CORIN: variants seen among roughly 807,000 people sequenced by gnomAD.
CORIN encodes the protein corin, serine peptidase, also known as atrial natriuretic peptide-converting enzyme.
A neutral mutation model predicts 125.3 loss-of-function variants in CORIN; 117 were observed. That is an observed-to-expected ratio of 0.93 (90% CI 0.80 to 1.09). The LOEUF (loss-of-function observed/expected upper bound fraction) is 1.09, where lower values mean the gene tolerates loss of function less well. Among genes scored for constraint, CORIN ranks in the 50% least tolerant of loss-of-function variants. The probability of loss-of-function intolerance (pLI) is 0.00; values close to 1 mark genes in which losing one functional copy is unlikely to be tolerated. For missense variants in CORIN, 1,253 were observed against 1,306.7 expected, an observed-to-expected ratio of 0.96 and a Z score of 0.63; for synonymous variants, 450 against 466.4, an observed-to-expected ratio of 0.96 and a Z score of 0.45.
intron 1 of CORIN, among the ~76,000 whole-genome samples, chr4:47,821,781 A>G (rs977859290): frequency 2.0e-5 from 3 of 152,220 alleles, no homozygotes; most frequent in Non-Finnish European, 4.4e-5. Flanking sequence ...GTTTTAAACT[A>G]TGTATATTAT....
chr4:47,612,513 C>T (rs1721909741), intron 19 of CORIN, among the ~76,000 whole-genome samples: 1 of 152,168 alleles, frequency 6.6e-6, no homozygotes. Flanking sequence ...AGTGTTTCTA[C>T]ACACTTTATT....
intron 19 of CORIN, among the ~76,000 whole-genome samples, chr4:47,619,600 C>T (rs571509437): frequency 1.3e-5 from 2 of 152,308 alleles, no homozygotes; most frequent in Admixed American, 6.5e-5. Flanking sequence ...TTTCATGAAA[C>T]TTACCAAGGC....
intron 16 of CORIN, among the ~76,000 whole-genome samples, chr4:47,635,439 T>C (rs7680097): frequency 0.14 from 20,867 of 152,256 alleles, 1,860 homozygotes; most frequent in African/African-American, 0.24. Flanking sequence ...GTCACAGATG[T>C]ATGAGCTGAG....
intron 5 of CORIN, among the ~76,000 whole-genome samples, chr4:47,729,054 G>C (rs1577869061): frequency 6.6e-6 from 1 of 152,118 alleles, no homozygotes; most frequent in East Asian, 1.9e-4. Context: ...TAGTATTTAG[G>C]CTCAACAAGA....
At chr4:47,709,690 ATTATAAGGT>A (rs1726754646) in intron 5 of CORIN, among the ~76,000 whole-genome samples, 2 of 152,358 alleles carry the variant, frequency 1.3e-5, no homozygotes, top group South Asian at 4.1e-4. Flanking sequence ...ATCACAATTG[ATTATAAGGT>A]TTTTTTCTTA....
At chr4:47,604,365 C>A (rs939661033) in intron 19 of CORIN, among the ~76,000 whole-genome samples, 3 of 152,144 alleles carry the variant, frequency 2.0e-5, no homozygotes, top group Non-Finnish European at 4.4e-5. Flanking sequence ...ACTCCATACT[C>A]CCTTGATTTC....
intron 13 of CORIN, among the ~76,000 whole-genome samples, chr4:47,647,495 TA>T (rs1305352522): frequency 7.9e-5 from 12 of 152,174 alleles, no homozygotes; most frequent in Admixed American, 7.9e-4. Flanking sequence ...GAAGGCCGCC[TA>T]AAGTGCATCC....
In CORIN at chr4:47,671,746, G is replaced by A. The variant is rs192522070; in HGVS notation, c.1357+2647C>T. ...ACTACAGGCGCCCGCCACCATGCCC[G>A]GCTAATTTTTTTTTTTGTATTTTTA... On this transcript the variant is annotated intron_variant, in intron 10 of 21. Transcript: ENST00000273857. Among the ~76,000 whole-genome samples, 1,353 of 151,900 alleles carry A rather than the reference G, an allele frequency of 8.9e-3. 7 individuals carry two copies. Among genetic ancestry groups the A allele is most frequent in the Middle Eastern group, 0.014 (4 of 294 alleles).
chr4:47,686,152 A>T (rs7661414), intron 6 of CORIN, among the ~76,000 whole-genome samples: 78,994 of 150,014 alleles, frequency 0.53, 21,456 homozygotes, highest in Non-Finnish European at 0.59. Flanking sequence ...ATCATAAATT[A>T]CTGTTTCAAA....
intron 1 of CORIN, among the ~76,000 whole-genome samples, chr4:47,823,899 A>G (rs1455885904): frequency 6.6e-6 from 1 of 151,978 alleles, no homozygotes; most frequent in Non-Finnish European, 1.5e-5. Context: ...TCTTAGGTTG[A>G]CCTCCACACA....
At chr4:47,605,720 C>T (rs1048239939) in intron 19 of CORIN, among the ~76,000 whole-genome samples, 2 of 152,092 alleles carry the variant, frequency 1.3e-5, no homozygotes, top group East Asian at 1.9e-4. Context: ...ATTCTCTGGG[C>T]GTCACTTCTA....
At chr4:47,694,409 T>G (rs1725895396) in intron 5 of CORIN, among the ~76,000 whole-genome samples, 2 of 152,116 alleles carry the variant, frequency 1.3e-5, no homozygotes, top group South Asian at 4.1e-4. Context: ...AAAAGTTAAG[T>G]AGAACCTTCA....
intron 1 of CORIN, among the ~76,000 whole-genome samples, chr4:47,814,587 C>T (rs956457777): frequency 6.6e-6 from 1 of 152,050 alleles, no homozygotes; most frequent in Non-Finnish European, 1.5e-5. Context: ...GTTCTCAAGC[C>T]AGGCATCTGC....
intron 4 of CORIN, among the ~76,000 whole-genome samples, chr4:47,762,086 GTA>G (rs912451311): frequency 6.6e-6 from 1 of 151,748 alleles, no homozygotes; most frequent in African/African-American, 2.4e-5. Context: ...GTATGTGTCT[GTA>G]TATATATGTA....
At chr4:47,829,122 C>A (rs1187476306) in intron 1 of CORIN, among the ~76,000 whole-genome samples, 1 of 123,492 alleles carries the variant, frequency 8.1e-6, no homozygotes, top group African/African-American at 3.1e-5. Context: ...CGCGCCACTG[C>A]ACTCCAGCCT....
intron 7 of CORIN, chr4:47,682,979 T>C (rs1725354445): frequency 6.6e-6 from 1 of 152,248 alleles, no homozygotes; most frequent in African/African-American, 2.4e-5. Flanking sequence ...AACATTCATT[T>C]TGATGTTATC....
intron 3 of CORIN, among the ~76,000 whole-genome samples, chr4:47,763,952 C>T (rs941011527): frequency 2.6e-5 from 4 of 151,942 alleles, no homozygotes; most frequent in Admixed American, 2.0e-4. Context: ...CAAGTCATTT[C>T]TAGAAACTTA....
At chr4:47,708,752 C>G (rs1726698559) in intron 5 of CORIN, among the ~76,000 whole-genome samples, 1 of 152,176 alleles carries the variant, frequency 6.6e-6, no homozygotes, top group South Asian at 2.1e-4. Context: ...TGGAATCTTT[C>G]TCTAGTCGAA....
In CORIN at chr4:47,655,836, AAG is replaced by A. The variant is rs1723948324; in HGVS notation, c.1736-2178_1736-2177del. ...GTAATGCTATTTAAGTAATACTTAA[AAG>A]TCTTTCAGCAGAAAAAAAAAAAAAA... On this transcript the variant is annotated intron_variant, in intron 12 of 21. Transcript: ENST00000273857. Among the ~76,000 whole-genome samples the A allele has an allele frequency of 6.0e-5, 9 of 149,728 alleles. 1 individual carries two copies. The highest frequency in any genetic ancestry group is 2.2e-4 in the African/African-American group (9 of 40,954).
Sources: gnomAD v4.1 joint callset for allele counts (sites outside exome capture counted in the v4.1 genomes callset) on GRCh38, gnomAD v4.1.1 for gene constraint, MANE v1.5 for transcripts, NCBI Gene and HGNC (gene_info 2026-07-23, HGNC 2026-07-21) for gene names.